PROX2: variants seen among roughly 807,000 people sequenced by gnomAD.
PROX2 encodes the protein prospero homeobox 2.
Under a neutral mutation model 48.9 loss-of-function variants are expected in PROX2, and 46 were observed. The ratio of observed to expected loss-of-function variants is 0.94; its 90% CI spans 0.74 to 1.20. PROX2 has a LOEUF of 1.20. PROX2 is among the 50% of genes most tolerant of loss of function. The pLI, the probability that PROX2 is intolerant of heterozygous loss-of-function variation, is 0.00. For missense variants in PROX2, 663 were observed against 719.4 expected, an observed-to-expected ratio of 0.92 and a Z score of 0.90; for synonymous variants, 260 against 276.6, an observed-to-expected ratio of 0.94 and a Z score of 0.60.
At chr14:74,870,950 G>T (rs1221719333) in intron 2 of PROX2, among the ~76,000 whole-genome samples, 153 bp downstream of exon 2, 24 of 152,190 alleles carry the variant, frequency 1.6e-4, no homozygotes, top group Admixed American at 1.6e-3. Flanking sequence ...GCTGAGGCAG[G>T]GGAATTGCTT....
At position 74,854,943 on chromosome 14, in the gene PROX2, T is replaced by C; in HGVS notation, c.*189A>G. ...CCAATACACCAATATAGTTAGTACA[T>C]TTTATAGTTAAATTTCTGATGATTC... On this transcript the variant is annotated 3_prime_UTR_variant, in exon 6 of 6. Transcript: ENST00000556489. 2.4e-6 allele frequency: 1 copy of C among 417,586 alleles called. No homozygotes were observed. Among genetic ancestry groups the C allele is most frequent in the Non-Finnish European group, 4.2e-6 (1 of 235,636 alleles). 25.9% of individuals were successfully genotyped at this position (417,586 alleles called of 1,614,324 possible). A position where few individuals can be genotyped will look rare whatever the true frequency, so the allele number is the denominator to read the frequency against.
rs747898190 is a variant in PROX2, at chr14:74,863,316, C to T, written c.519G>A (p.Leu173=). ...CACAGCCATTCCCCTGCTTTGCACT[C>T]AGAGGGCCTTTCCCCGTGCCACAGC... ...PGGCGTGKGP[L]SAKQGNGCGP... Residue 173 remains leucine, a synonymous_variant, in exon 3 of 6, where the codon CTG becomes CTA. Coordinates refer to ENST00000556489, the MANE Select transcript of PROX2 (RefSeq NM_001243007.2). 1 of 1,614,076 alleles carries T rather than the reference C, an allele frequency of 6.2e-7. No homozygotes were observed. The highest frequency in any genetic ancestry group is 8.5e-7 in the Non-Finnish European group (1 of 1,179,908).
chr14:74,860,080 C>G (rs1020062799), intron 3 of PROX2, among the ~76,000 whole-genome samples: 2 of 152,194 alleles, frequency 1.3e-5, no homozygotes, highest in African/African-American at 4.8e-5. Context: ...AGTTAGCTCC[C>G]TTCTCTGTCT....
At chr14:74,861,098 G>C in intron 3 of PROX2, 1 of 648,780 alleles carries the variant, frequency 1.5e-6, no homozygotes, top group South Asian at 1.4e-5. Context: ...CCGGCAGGGG[G>C]CGCTCATGGC....
chr14:74,863,746 G>T lies in PROX2; in HGVS notation c.89C>A (p.Ser30Tyr). Residue 30 changes from serine (S) to tyrosine (Y), a missense_variant, in exon 3 of 6, where the codon TCC (serine) becomes TAC (tyrosine). By Grantham distance (144) the Ser-to-Tyr change is moderately radical. Coordinates refer to ENST00000556489, the MANE Select transcript of PROX2 (RefSeq NM_001243007.2). ...EACTEGERSSSPPELDRDSPF... is the reference protein window; with the variant it reads ...EACTEGERSSYPPELDRDSPF... ...GGAGTCTCTATCCAGCTCTGGAGGGGATGAGCTTCTCTCGCCTTCCGTACA... is the reference window on the plus strand; with the variant it reads ...GGAGTCTCTATCCAGCTCTGGAGGGTATGAGCTTCTCTCGCCTTCCGTACA... 5 of 1,529,106 alleles carry T rather than the reference G, an allele frequency of 3.3e-6. No homozygotes were observed. In the African/African-American group the frequency reaches 4.2e-5, roughly 13 times the overall value. 94.7% of individuals were successfully genotyped at this position (1,529,106 alleles called of 1,614,324 possible).
chr14:74,870,439 A>ACACACACACACAC (rs1555371979), intron 2 of PROX2, among the ~76,000 whole-genome samples: 1 of 29,936 alleles, frequency 3.3e-5, no homozygotes, highest in Non-Finnish European at 6.1e-5. Flanking sequence ...AAAAAAAAAA[A>ACACACACACACAC]ATACACACAC....
chr14:74,865,565 G>A (rs937399611), intron 2 of PROX2, among the ~76,000 whole-genome samples: 5 of 152,180 alleles, frequency 3.3e-5, no homozygotes, highest in African/African-American at 7.2e-5. Flanking sequence ...GAACTGGGCC[G>A]GGCGCGGTGG....
intron 2 of PROX2, among the ~76,000 whole-genome samples, chr14:74,868,864 G>A (rs1883144195): frequency 6.6e-6 from 1 of 151,656 alleles, no homozygotes; most frequent in Admixed American, 6.6e-5. Flanking sequence ...ATAGTATGGA[G>A]ATAGATGGAG....
Position 74,862,963 on chromosome 14 carries a change from C to T in PROX2, c.872G>A (p.Arg291Lys). 6.2e-7 allele frequency: 1 copy of T among 1,613,968 alleles called. No individual in the cohort carries two copies. The highest frequency in any genetic ancestry group is 8.5e-7 in the Non-Finnish European group (1 of 1,179,868). ...TGGGACCCCAGCTTGTAGCTGGACC[C>T]TCCTGGGCAAGGCAGCCAAAGCAAG... is the stretch of plus-strand genomic sequence containing the variant. ...DPLALAALPR[R>K]VQLQAGVPVG... The change falls in exon 3 of 6, where the codon AGG (arginine) becomes AAG (lysine). Residue 291 changes from arginine (R) to lysine (K), a missense_variant. Arg to Lys is a conservative substitution (Grantham distance 26). Coordinates refer to ENST00000556489, the MANE Select transcript of PROX2 (RefSeq NM_001243007.2).
chr14:74,863,769 A>G lies in PROX2; in HGVS notation c.66T>C (p.Cys22=), dbSNP rs770375655. The part of the protein sequence containing the change: ...PQICSHLAEA[C]TEGERSSSPP... ...GGGATGAGCTTCTCTCGCCTTCCGT[A>G]CAAGCTTCTGCTAGGTGGGAGCAGA... is the stretch of plus-strand genomic sequence containing the variant. The change falls in exon 3 of 6, where the codon TGT becomes TGC. Residue 22 remains cysteine, a synonymous_variant. Transcript: ENST00000556489. The G allele has an allele frequency of 7.2e-6, 11 of 1,526,440 alleles. No individual in the cohort carries two copies. The highest frequency in any genetic ancestry group is 8.8e-7 in the Non-Finnish European group (1 of 1,141,766). 94.6% of individuals were successfully genotyped at this position (1,526,440 alleles called of 1,614,324 possible).
In PROX2 at chr14:74,858,339, C is replaced by T. The variant is rs1594858387; in HGVS notation, c.1413+68G>A. On this transcript the variant is annotated intron_variant, in intron 4 of 5. Transcript: ENST00000556489. ...ACATATGATGACCTAGGACTTGCCT[C>T]ACACCAGGCAAAACACACTGCCTCT... 4 of 961,952 alleles carry T rather than the reference C, an allele frequency of 4.2e-6. No individual in the cohort carries two copies. In the Admixed American group the frequency reaches 6.1e-5, roughly 15 times the overall value. The allele number at this position is 961,952 out of a possible 1,614,324, so 59.6% of individuals were successfully genotyped here.
intron 2 of PROX2, among the ~76,000 whole-genome samples, chr14:74,864,750 G>A (rs1176080240): frequency 6.6e-6 from 1 of 152,056 alleles, no homozygotes; most frequent in Admixed American, 6.6e-5. Context: ...GCTGAGGCAG[G>A]AAAATCACTT....
intron 2 of PROX2, among the ~76,000 whole-genome samples, chr14:74,869,657 T>C (rs1163362110): frequency 6.6e-6 from 1 of 152,226 alleles, no homozygotes; most frequent in Admixed American, 6.5e-5. Flanking sequence ...TATATATACT[T>C]TTAAATAGCC....
At chr14:74,872,888 A>G (rs1743651334) in intron 1 of PROX2, among the ~76,000 whole-genome samples, 2 of 152,250 alleles carry the variant, frequency 1.3e-5, no homozygotes, top group African/African-American at 4.8e-5. Flanking sequence ...AGACACAGAC[A>G]CAATGGAGTC....
intron 2 of PROX2, among the ~76,000 whole-genome samples, chr14:74,870,486 G>T (rs10143410): frequency 0.14 from 16,411 of 116,956 alleles, 1,499 homozygotes; most frequent in African/African-American, 0.32. Flanking sequence ...ACATTATAGA[G>T]AAATAAATAC....
intron 2 of PROX2, among the ~76,000 whole-genome samples, chr14:74,870,097 G>T (rs919295036): frequency 6.9e-6 from 1 of 145,100 alleles, no homozygotes; most frequent in African/African-American, 2.8e-5. Context: ...AAACTGGAGT[G>T]GGGGGGTAAG....
intron 5 of PROX2, 99 bp from the exon 6 acceptor site, chr14:74,855,401 G>T: frequency 1.0e-6 from 1 of 988,942 alleles, no homozygotes; most frequent in Non-Finnish European, 1.4e-6. Flanking sequence ...TTCTTGGGTA[G>T]TGGGCTAGGA....
chr14:74,857,027 A>C, intron 4 of PROX2, 32 bp from the exon 5 acceptor site: 1 of 1,591,636 alleles, frequency 6.3e-7, no homozygotes, highest in South Asian at 1.1e-5. Flanking sequence ...CCAGTCAGAC[A>C]TTTGCCACGA....
At chr14:74,861,063 T>C in intron 3 of PROX2, 1 of 435,158 alleles carries the variant, frequency 2.3e-6, no homozygotes, top group South Asian at 1.7e-5. Context: ...CCAGGAAAGC[T>C]TTGGGGTGTT....
Sources: gnomAD v4.1 joint callset for allele counts (sites outside exome capture counted in the v4.1 genomes callset) on GRCh38, gnomAD v4.1.1 for gene constraint, MANE v1.5 for transcripts, NCBI Gene and HGNC (gene_info 2026-07-23, HGNC 2026-07-21) for gene names.